SPICE1: variants seen among roughly 807,000 people sequenced by gnomAD.
SPICE1 encodes spindle and centriole-associated protein 1.
SPICE1 carries 75 observed loss-of-function variants against 102.7 expected under a neutral mutation model. The ratio of observed to expected loss-of-function variants is 0.73; its 90% CI spans 0.61 to 0.88. The LOEUF (loss-of-function observed/expected upper bound fraction) is 0.88, where lower values mean the gene tolerates loss of function less well. SPICE1 is among the 40% of genes least tolerant of loss of function. SPICE1 has a pLI of 0.00. For missense variants in SPICE1, 979 were observed against 1,020.1 expected, an observed-to-expected ratio of 0.96 and a Z score of 0.55; for synonymous variants, 308 against 350.3, an observed-to-expected ratio of 0.88 and a Z score of 1.35.
chr3:113,469,037 C>G, intron 8 of SPICE1, 62 bp downstream of exon 8: 1 of 1,570,594 alleles, frequency 6.4e-7, no homozygotes, highest in Admixed American at 1.9e-5. Flanking sequence ...TCAAAAATTA[C>G]TGCATTCAAG....
rs776057143 is a variant in SPICE1 at position 113,468,368 on chromosome 3, G to A, written c.926C>T (p.Pro309Leu). Residue 309 changes from proline (P) to leucine (L), a missense_variant, in exon 10 of 18, where the codon CCG becomes CTG. By Grantham distance (98) the Pro-to-Leu change is moderately conservative. Transcript: ENST00000295872. ...GCTACCTGATGATATGTTTTTCTTC[G>A]GCTTGGAAAGAGCATGCAAATTCGG... ...RKPNLHALSK[P>L]KKNISSGSTT... 1.2e-5 allele frequency: 19 copies of A among 1,613,944 alleles called. No homozygotes were observed. Among genetic ancestry groups the A allele is most frequent in the Middle Eastern group, 1.6e-4 (1 of 6,062 alleles).
intron 4 of SPICE1, among the ~76,000 whole-genome samples, chr3:113,494,591 G>A (rs1408778039): frequency 1.3e-5 from 2 of 150,384 alleles, no homozygotes; most frequent in Non-Finnish European, 3.0e-5. Context: ...AGCTTGCAGT[G>A]AGCCGAGATC....
chr3:113,487,227 A>G (rs1936670133), intron 7 of SPICE1, among the ~76,000 whole-genome samples: 1 of 152,154 alleles, frequency 6.6e-6, no homozygotes, highest in Non-Finnish European at 1.5e-5. Context: ...AGGATTGAAT[A>G]TGAATAAATA....
intron 1 of SPICE1, among the ~76,000 whole-genome samples, chr3:113,510,518 G>A (rs1349996739): frequency 6.6e-6 from 1 of 152,102 alleles, no homozygotes; most frequent in African/African-American, 2.4e-5. Context: ...ACAAGCAATG[G>A]GGAAAGGATT....
rs377543442 is a variant in SPICE1, at chr3:113,453,457, G to A, written c.2142+9C>T. The A allele has an allele frequency of 2.5e-6, 4 of 1,587,288 alleles. No individual in the cohort carries two copies. The African/African-American group carries it at 5.4e-5, about 21-fold the overall frequency. ...ATATGTCCCTAATCAATCCTTAAAT[G>A]GTACTCACAGAAGTCATGTCACTTG... is the stretch of plus-strand genomic sequence containing the variant. On this transcript the variant is annotated intron_variant, in intron 14 of 17. Coordinates refer to ENST00000295872, the MANE Select transcript of SPICE1 (RefSeq NM_144718.4).
intron 12 of SPICE1, among the ~76,000 whole-genome samples, chr3:113,459,230 A>C (rs979964834): frequency 2.0e-5 from 3 of 152,186 alleles, no homozygotes; most frequent in Non-Finnish European, 4.4e-5. Flanking sequence ...ATACTCGTTA[A>C]GAGTCATCAC....
At chr3:113,466,920 G>A (rs2107461928) in intron 10 of SPICE1, among the ~76,000 whole-genome samples, 1 of 151,836 alleles carries the variant, frequency 6.6e-6, no homozygotes, top group Middle Eastern at 3.4e-3. Context: ...GTGGTGGCAT[G>A]CACCTGTGGT....
chr3:113,510,986 T>C (rs1391600376), intron 1 of SPICE1, among the ~76,000 whole-genome samples: 10 of 152,188 alleles, frequency 6.6e-5, no homozygotes. Context: ...AAGACATTTA[T>C]GCAGCCAACA....
At chr3:113,454,187 C>A (rs1030795796) in intron 13 of SPICE1, among the ~76,000 whole-genome samples, 4 of 152,160 alleles carry the variant, frequency 2.6e-5, no homozygotes, top group African/African-American at 4.8e-5. Flanking sequence ...GAAAAACCAT[C>A]TGTCAAGTTC....
Position 113,460,688 on chromosome 3 carries a change from A to T in SPICE1, c.1364T>A (p.Val455Glu). The T allele has an allele frequency of 6.2e-7, 1 of 1,613,798 alleles. No homozygotes were observed. The highest frequency in any genetic ancestry group is 8.5e-7 in the Non-Finnish European group (1 of 1,179,892). ...CTGAATTTCTTGTCTGTTATTTATC[A>T]CAGGACAGTTCTTAATAGCATGTGT... The part of the protein sequence containing the change: ...SLTHAIKNCP[V>E]INNRQEIQAS... Residue 455 changes from valine to glutamate, a missense_variant, in exon 12 of 18, where the codon GTG (valine) becomes GAG (glutamate). Transcript: ENST00000295872.
At chr3:113,505,972 A>T (rs1397216334) in intron 2 of SPICE1, among the ~76,000 whole-genome samples, 1 of 152,200 alleles carries the variant, frequency 6.6e-6, no homozygotes, top group Non-Finnish European at 1.5e-5. Context: ...CATACATCAC[A>T]TGTTACAGGT....
At chr3:113,506,673 G>A in intron 1 of SPICE1, 68 bp from the exon 2 acceptor site, 5 of 1,160,560 alleles carry the variant, frequency 4.3e-6, no homozygotes, top group East Asian at 2.5e-5. Flanking sequence ...CAGAGTGGGG[G>A]AAGACACCTG....
chr3:113,493,366 C>T, intron 5 of SPICE1, 54 bp from the exon 6 acceptor site: 1 of 1,407,446 alleles, frequency 7.1e-7, no homozygotes, highest in Non-Finnish European at 1.0e-6. Flanking sequence ...AACTTGACTT[C>T]ACAAGCTCTA....
At chr3:113,459,423 A>T (rs1458639527) in intron 12 of SPICE1, 1 of 950,456 alleles carries the variant, frequency 1.1e-6, no homozygotes, top group Non-Finnish European at 1.3e-6. Flanking sequence ...TAAATACTAA[A>T]AAAAATTAAA....
chr3:113,467,441 G>A (rs1285077426), intron 10 of SPICE1, among the ~76,000 whole-genome samples: 5 of 152,140 alleles, frequency 3.3e-5, no homozygotes, highest in Non-Finnish European at 4.4e-5. Flanking sequence ...ACAGGCGCCC[G>A]CCACCATGCC....
intron 7 of SPICE1, among the ~76,000 whole-genome samples, 187 bp downstream of exon 7, chr3:113,488,758 G>A (rs1440842281): frequency 1.3e-5 from 2 of 152,170 alleles, no homozygotes; most frequent in Non-Finnish European, 2.9e-5. Context: ...AATAATTGAT[G>A]AATCTGAGTA....
intron 13 of SPICE1, among the ~76,000 whole-genome samples, chr3:113,456,391 G>C (rs1935779066): frequency 6.6e-6 from 1 of 151,530 alleles, no homozygotes; most frequent in South Asian, 2.1e-4. Context: ...CTTTGGAAGA[G>C]AGTTTAAGAT....
At chr3:113,514,643 C>T in intron 1 of SPICE1, 1 of 554,244 alleles carries the variant, frequency 1.8e-6, no homozygotes, top group Non-Finnish European at 3.2e-6. Context: ...CTTCCACGGA[C>T]TCCTCAAAAC....
intron 10 of SPICE1, 105 bp downstream of exon 10, chr3:113,468,034 T>C: frequency 6.9e-7 from 1 of 1,440,818 alleles, no homozygotes. Flanking sequence ...AACGAAGCTA[T>C]TCAAATTTGA....
Sources: gnomAD v4.1 joint callset for allele counts (sites outside exome capture counted in the v4.1 genomes callset) on GRCh38, gnomAD v4.1.1 for gene constraint, MANE v1.5 for transcripts, NCBI Gene and HGNC (gene_info 2026-07-23, HGNC 2026-07-21) for gene names.